GREB1L: variants seen among roughly 807,000 people sequenced by gnomAD.
The protein encoded by GREB1L is GREB1-like protein.
A neutral mutation model predicts 200.8 loss-of-function variants in GREB1L; 17 were observed. The observed-to-expected ratio is 0.08, with a 90% confidence interval of 0.06 to 0.13. The LOEUF (loss-of-function observed/expected upper bound fraction) is 0.13. Ranked by LOEUF, GREB1L falls within the 10% of genes least tolerant of loss-of-function variation. The pLI, the probability that GREB1L is intolerant of heterozygous loss-of-function variation, is 1.00. For synonymous variants in GREB1L, 789 were observed against 893.0 expected (o/e 0.88, Z 2.08); for missense variants, 1,657 against 2,367.7 (o/e 0.70, Z 6.23).
chr18:21,268,560 C>CATATATATATATATATATATAT (rs370094258), intron 1 of GREB1L, among the ~76,000 whole-genome samples: 4 of 63,528 alleles, frequency 6.3e-5, no homozygotes, highest in African/African-American at 3.0e-4. Flanking sequence ...CACACACACA[C>CATATATATATATATATATATAT]ATATATATAT....
chr18:21,300,827 G>C (rs548561947), intron 1 of GREB1L, among the ~76,000 whole-genome samples: 3 of 152,204 alleles, frequency 2.0e-5, no homozygotes, highest in Non-Finnish European at 4.4e-5. Flanking sequence ...GAGGGGTGGT[G>C]GGGGGAGGGA....
chr18:21,392,374 C>T (rs2040859830), intron 4 of GREB1L, among the ~76,000 whole-genome samples: 1 of 151,966 alleles, frequency 6.6e-6, no homozygotes, highest in Non-Finnish European at 1.5e-5. Flanking sequence ...CAATGGGTTC[C>T]ATGTATCCAT....
intron 16 of GREB1L, among the ~76,000 whole-genome samples, chr18:21,476,502 G>A (rs1282616138): frequency 6.6e-6 from 1 of 152,028 alleles, no homozygotes; most frequent in Non-Finnish European, 1.5e-5. Context: ...ATCTTTGAAA[G>A]TTTTGGGTGA....
chr18:21,475,142 T>G (rs1013329576), intron 16 of GREB1L, among the ~76,000 whole-genome samples: 1 of 152,164 alleles, frequency 6.6e-6, no homozygotes, highest in African/African-American at 2.4e-5. Flanking sequence ...ATAAGGAGGT[T>G]AAGATGAATG....
chr18:21,442,723 T>C (rs2145284942), intron 10 of GREB1L, among the ~76,000 whole-genome samples: 1 of 151,474 alleles, frequency 6.6e-6, no homozygotes, highest in South Asian at 2.1e-4. Context: ...GGAACAGGGA[T>C]CTCCAAGCAC....
chr18:21,496,044 A>AT lies in GREB1L; in HGVS notation c.3146+268dup, dbSNP rs920557906. Among the ~76,000 whole-genome samples, 49 of 151,738 alleles carry AT rather than the reference A, an allele frequency of 3.2e-4. 1 individual carries two copies. The highest frequency in any genetic ancestry group is 6.8e-3 in the Middle Eastern group (2 of 294). Reference sequence around the variant, plus strand: ...CAGAGAGGCAGGGAGGAAAAGCAGGATTTTTTTTTATAAAGTGCTTTGTCT... The same window carrying AT: ...CAGAGAGGCAGGGAGGAAAAGCAGGATTTTTTTTTTATAAAGTGCTTTGTCT... On this transcript the variant is annotated intron_variant, in intron 20 of 32. Coordinates refer to ENST00000424526, the MANE Select transcript of GREB1L (RefSeq NM_001142966.3).
At chr18:21,446,468 A>G (rs530126310) in intron 11 of GREB1L, among the ~76,000 whole-genome samples, 55 of 152,340 alleles carry the variant, frequency 3.6e-4, no homozygotes, top group African/African-American at 1.3e-3. Flanking sequence ...AAAAAGAAAC[A>G]ATTTCAATTT....
At chr18:21,370,672 T>C (rs189471987) in intron 2 of GREB1L, among the ~76,000 whole-genome samples, 1 of 152,202 alleles carries the variant, frequency 6.6e-6, no homozygotes, top group Non-Finnish European at 1.5e-5. Context: ...ATCACATTAG[T>C]AGGGACACAG....
At chr18:21,257,935 C>T (rs1408079379) in intron 1 of GREB1L, among the ~76,000 whole-genome samples, 1 of 152,146 alleles carries the variant, frequency 6.6e-6, no homozygotes, top group Non-Finnish European at 1.5e-5. Context: ...GCTGAGATAA[C>T]TAAGACTCAG....
At chr18:21,274,002 T>C (rs375498735) in intron 1 of GREB1L, among the ~76,000 whole-genome samples, 31 of 152,250 alleles carry the variant, frequency 2.0e-4, no homozygotes, top group Admixed American at 1.1e-3. Context: ...ATGTAAATAC[T>C]GTCTTAGTGC....
chr18:21,386,787 G>A (rs1011907708), intron 4 of GREB1L, among the ~76,000 whole-genome samples: 4 of 151,870 alleles, frequency 2.6e-5, no homozygotes, highest in African/African-American at 9.7e-5. Context: ...TTACAGGCGT[G>A]AGCCACCACG....
intron 17 of GREB1L, among the ~76,000 whole-genome samples, chr18:21,482,186 G>A (rs2035946745): frequency 6.6e-6 from 1 of 152,214 alleles, no homozygotes; most frequent in African/African-American, 2.4e-5. Flanking sequence ...GTTTATTCAG[G>A]GAGAGAGAAG....
chr18:21,469,475 G>T (rs558610094), intron 15 of GREB1L, among the ~76,000 whole-genome samples: 1 of 151,964 alleles, frequency 6.6e-6, no homozygotes, highest in South Asian at 2.1e-4. Context: ...TAAGATATTC[G>T]AGGGTTACTT....
chr18:21,444,616 G>C (rs1251106470), intron 11 of GREB1L, among the ~76,000 whole-genome samples: 1 of 151,164 alleles, frequency 6.6e-6, no homozygotes, highest in Admixed American at 6.6e-5. Context: ...CTCTTCTTTG[G>C]GTCCTAGAGG....
chr18:21,447,234 A>G (rs1347987195), intron 11 of GREB1L, among the ~76,000 whole-genome samples: 1 of 152,138 alleles, frequency 6.6e-6, no homozygotes, highest in Middle Eastern at 3.2e-3. Flanking sequence ...GCAGTGAGCT[A>G]TGATTGTGCC....
At chr18:21,448,009 A>G (rs2034318251) in intron 11 of GREB1L, among the ~76,000 whole-genome samples, 1 of 152,108 alleles carries the variant, frequency 6.6e-6, no homozygotes, top group South Asian at 2.1e-4. Flanking sequence ...TCAAAAATAC[A>G]AAAATTAGCC....
chr18:21,279,983 A>G (rs545153334), intron 1 of GREB1L, among the ~76,000 whole-genome samples: 45 of 152,290 alleles, frequency 3.0e-4, no homozygotes, highest in Middle Eastern at 3.4e-3. Flanking sequence ...TATTATTAGT[A>G]TTTTGCATTA....
intron 14 of GREB1L, 128 bp from the exon 15 acceptor site, chr18:21,454,237 AG>A: frequency 1.5e-6 from 1 of 651,390 alleles, no homozygotes; most frequent in Non-Finnish European, 2.7e-6. Context: ...GAGTGCAAAT[AG>A]CAGGTGAGAA....
In GREB1L at chr18:21,473,137, T is replaced by C. The variant is rs1034409123; in HGVS notation, c.2289T>C (p.Phe763=). The change falls in exon 16 of 33, where the codon TTT becomes TTC. Residue 763 remains phenylalanine, a synonymous_variant. Coordinates refer to ENST00000424526, the MANE Select transcript of GREB1L (RefSeq NM_001142966.3). ...DNEIQTKFEV[F]MRRVKQNPYT... is the part of the protein sequence containing the mutation. ...AGATTCAAACCAAGTTTGAAGTTTT[T>C]ATGAGGAGAGTGAAACAGAACCCGT... 1 of 1,550,902 alleles carries C rather than the reference T, an allele frequency of 6.4e-7. No individual in the cohort carries two copies. Among genetic ancestry groups the C allele is most frequent in the African/African-American group, 1.4e-5 (1 of 73,036 alleles).
Sources: allele counts gnomAD v4.1 joint callset (sites outside exome capture counted in the v4.1 genomes callset), GRCh38; gene constraint gnomAD v4.1.1; transcripts MANE v1.5; gene names NCBI Gene and HGNC (gene_info 2026-07-23, HGNC 2026-07-21).